Variants in REDIC1 observed in about 807,000 individuals in gnomAD.
REDIC1 encodes HEI10 Interacting Protein 1.
At chr12:39,891,616 C>A in the REDIC1 span, among the ~76,000 whole-genome samples, 22 of 152,246 alleles carry the variant, frequency 1.4e-4, no homozygotes, top group Non-Finnish European at 2.9e-4. Context: ...TAATGAGTAT[C>A]ATTTTCTGCA....
chr12:39,755,323 A>ATTT, the REDIC1 span: 1 of 152,200 alleles, frequency 6.6e-6, no homozygotes, highest in Middle Eastern at 3.4e-3. Context: ...TGAAGTATTA[A>ATTT]ATACTATATA....
At chr12:39,895,829 C>T in the REDIC1 span, among the ~76,000 whole-genome samples, 2 of 95,942 alleles carry the variant, frequency 2.1e-5, 1 homozygote, top group African/African-American at 8.5e-5. Context: ...CATGTATATG[C>T]GTGTATATGC....
chr12:39,902,246 C>T, the REDIC1 span, among the ~76,000 whole-genome samples: 42 of 150,470 alleles, frequency 2.8e-4, no homozygotes, highest in African/African-American at 9.3e-4. Flanking sequence ...TGCTAAATGA[C>T]GAATTAATGG....
the REDIC1 span, among the ~76,000 whole-genome samples, chr12:39,884,481 CAAAT>C: frequency 6.6e-6 from 1 of 152,132 alleles, no homozygotes; most frequent in Non-Finnish European, 1.5e-5. Flanking sequence ...TTCAATTAAA[CAAAT>C]ATTTAGACAT....
chr12:39,654,151 A>C, the REDIC1 span, among the ~76,000 whole-genome samples: 1 of 151,892 alleles, frequency 6.6e-6, no homozygotes, highest in South Asian at 2.1e-4. Flanking sequence ...TTTCTAGAGC[A>C]TTGAGAGTTT....
the REDIC1 span, among the ~76,000 whole-genome samples, chr12:39,774,926 T>C: frequency 5.3e-5 from 8 of 152,178 alleles, no homozygotes; most frequent in Non-Finnish European, 1.0e-4. Context: ...GATGAGACTA[T>C]AGCAATAGTG....
At chr12:39,653,560 TC>T in the REDIC1 span, among the ~76,000 whole-genome samples, 21 of 104,280 alleles carry the variant, frequency 2.0e-4, no homozygotes, top group Middle Eastern at 5.0e-3. Context: ...TCTTCTTCTT[TC>T]TTCTTCTTCT....
chr12:39,827,340 A>C, the REDIC1 span, among the ~76,000 whole-genome samples: 1 of 152,280 alleles, frequency 6.6e-6, no homozygotes, highest in Admixed American at 6.5e-5. Context: ...TGAGCAGCAG[A>C]GAAGTAGGTA....
the REDIC1 span, chr12:39,650,271 T>C: frequency 1.9e-6 from 3 of 1,611,430 alleles, no homozygotes; most frequent in Non-Finnish European, 1.7e-6. The surrounding 1 kb of genome is among the most constrained non-coding windows in gnomAD (Gnocchi z 4.3). Flanking sequence ...ATTCCTTGCT[T>C]TCCAAATTAA....
chr12:39,858,534 A>G, the REDIC1 span, among the ~76,000 whole-genome samples: 1 of 152,196 alleles, frequency 6.6e-6, no homozygotes, highest in Non-Finnish European at 1.5e-5. Flanking sequence ...TGAATTACTG[A>G]TGCTAAACAC....
the REDIC1 span, among the ~76,000 whole-genome samples, chr12:39,889,495 T>G: frequency 3.1e-4 from 47 of 151,424 alleles, no homozygotes; most frequent in Non-Finnish European, 6.2e-4. Flanking sequence ...AGAAAGTGAG[T>G]AGAGGCCGAC....
chr12:39,737,404 A>G, the REDIC1 span, among the ~76,000 whole-genome samples: 17 of 152,196 alleles, frequency 1.1e-4, no homozygotes, highest in Admixed American at 1.1e-3. Flanking sequence ...TGGCCTGATG[A>G]TAACTATAAA....
chr12:39,865,750 A>G, the REDIC1 span, among the ~76,000 whole-genome samples: 1 of 152,238 alleles, frequency 6.6e-6, no homozygotes, highest in African/African-American at 2.4e-5. Context: ...GCTGGAGGCC[A>G]TGATCTTTAG....
At chr12:39,656,191 G>C in the REDIC1 span, among the ~76,000 whole-genome samples, 1 of 152,194 alleles carries the variant, frequency 6.6e-6, no homozygotes, top group Non-Finnish European at 1.5e-5. Flanking sequence ...CATAATGTCA[G>C]TGTCATAGAA....
the REDIC1 span, among the ~76,000 whole-genome samples, chr12:39,779,321 C>T: frequency 6.6e-6 from 1 of 152,196 alleles, no homozygotes. Context: ...CTGATTGCAG[C>T]ATCCTCCCCA....
At chr12:39,684,217 C>G in the REDIC1 span, 1 of 1,012,608 alleles carries the variant, frequency 9.9e-7, no homozygotes, top group Non-Finnish European at 1.2e-6. Context: ...GAACTGCCTT[C>G]CAGGCTTTTC....
chr12:39,895,174 C>T, the REDIC1 span, among the ~76,000 whole-genome samples: 2 of 151,972 alleles, frequency 1.3e-5, no homozygotes, highest in Non-Finnish European at 2.9e-5. Context: ...CAGCCAGAAC[C>T]CTGAGTAACA....
chr12:39,635,260 A>G, the REDIC1 span, among the ~76,000 whole-genome samples: 2 of 152,214 alleles, frequency 1.3e-5, no homozygotes, highest in Non-Finnish European at 2.9e-5. Context: ...CTAGAACTAG[A>G]AATACCATTT....
At chr12:39,641,735 G>GA in the REDIC1 span, among the ~76,000 whole-genome samples, 45 of 148,966 alleles carry the variant, frequency 3.0e-4, no homozygotes, top group South Asian at 1.1e-3. Context: ...TTCTAAAACA[G>GA]AAAAAAAAAC....
Sources: allele counts gnomAD v4.1 joint callset (sites outside exome capture counted in the v4.1 genomes callset), GRCh38; gene constraint gnomAD v4.1.1; non-coding constraint Gnocchi (gnomAD v3.1); transcripts MANE v1.5; gene names NCBI Gene and HGNC (gene_info 2026-07-23, HGNC 2026-07-21).